TMTC2: variants seen among roughly 807,000 people sequenced by gnomAD.
The protein encoded by TMTC2 is protein O-mannosyl-transferase TMTC2.
In TMTC2, 43 loss-of-function variants were observed where a neutral mutation model predicts 82.4. The observed-to-expected ratio is 0.52, with a 90% CI of 0.41 to 0.67. The LOEUF (loss-of-function observed/expected upper bound fraction) is 0.67, where lower values mean the gene tolerates loss of function less well. Among genes scored for constraint, TMTC2 ranks in the 30% least tolerant of loss-of-function variants. The pLI, the probability that TMTC2 is intolerant of heterozygous loss-of-function variation, is 0.00. For missense variants in TMTC2, 919 were observed against 1,012.4 expected (o/e 0.91, Z 1.25); for synonymous variants, 408 against 381.9 (o/e 1.07, Z -0.80).
intron 2 of TMTC2, among the ~76,000 whole-genome samples, chr12:82,882,398 C>T (rs949915799): frequency 2.0e-5 from 3 of 152,246 alleles, no homozygotes; most frequent in East Asian, 1.9e-4. Flanking sequence ...CTAAATAGTA[C>T]GTACCAAGAA....
At chr12:82,832,258 C>G (rs1331006293) in intron 1 of TMTC2, among the ~76,000 whole-genome samples, 1 of 151,588 alleles carries the variant, frequency 6.6e-6, no homozygotes, top group African/African-American at 2.4e-5. Flanking sequence ...TATAACTCTG[C>G]AAGCTAGTGG....
chr12:82,824,950 G>A (rs57850546), intron 1 of TMTC2, among the ~76,000 whole-genome samples: 3,089 of 152,156 alleles, frequency 0.02, 113 homozygotes, highest in African/African-American at 0.071. Flanking sequence ...CTAGCTGGGC[G>A]TGGTGGCGCG....
intron 3 of TMTC2, among the ~76,000 whole-genome samples, chr12:82,926,658 A>G (rs190754429): frequency 2.6e-5 from 4 of 152,346 alleles, no homozygotes; most frequent in African/African-American, 7.2e-5. Context: ...GAGAGGTGTT[A>G]GTGCCTGGCT....
chr12:83,095,045 C>T (rs1051105989), intron 11 of TMTC2, among the ~76,000 whole-genome samples: 1 of 152,082 alleles, frequency 6.6e-6, no homozygotes, highest in African/African-American at 2.4e-5. Context: ...TCTACAAACA[C>T]TTAAAAAACA....
In TMTC2 at chr12:82,930,184, G is replaced by C. The variant is rs550124069; in HGVS notation, c.1484-247G>C. Among the ~76,000 whole-genome samples the C allele has an allele frequency of 3.9e-5, 6 of 152,070 alleles. No individual in the cohort carries two copies. The East Asian group carries it at 1.2e-3, about 29-fold the overall frequency. ...GTGATCTTAAGATAACATTGTTCTT[G>C]GCCTTATGATGAACTGTATATGTAT... is the stretch of plus-strand genomic sequence containing the variant. On this transcript the variant is annotated intron_variant, in intron 3 of 11. Transcript: ENST00000321196.
chr12:83,056,764 AG>A (rs1882559712), intron 10 of TMTC2, among the ~76,000 whole-genome samples: 2 of 151,908 alleles, frequency 1.3e-5, no homozygotes, highest in South Asian at 4.1e-4. Flanking sequence ...TACAATCACA[AG>A]GCTCTTATTT....
At chr12:83,093,419 T>C (rs1883910782) in intron 11 of TMTC2, among the ~76,000 whole-genome samples, 1 of 152,184 alleles carries the variant, frequency 6.6e-6, no homozygotes, top group African/African-American at 2.4e-5. Context: ...GCCCAAAAGC[T>C]GAAACTGCTG....
At chr12:82,947,777 A>G (rs964789367) in intron 4 of TMTC2, among the ~76,000 whole-genome samples, 2 of 152,186 alleles carry the variant, frequency 1.3e-5, no homozygotes, top group Non-Finnish European at 2.9e-5. Flanking sequence ...CTTATTAAAT[A>G]TAAGGGTAGA....
chr12:82,768,286 G>A (rs1024330162), intron 1 of TMTC2, among the ~76,000 whole-genome samples: 1 of 152,194 alleles, frequency 6.6e-6, no homozygotes, highest in Non-Finnish European at 1.5e-5. Context: ...TGGAGTGCCC[G>A]TGTTTTTGCT....
At chr12:83,092,852 C>T (rs1391893352) in intron 11 of TMTC2, among the ~76,000 whole-genome samples, 5 of 152,100 alleles carry the variant, frequency 3.3e-5, no homozygotes, top group African/African-American at 7.2e-5. Flanking sequence ...AATAAACCAG[C>T]GGCAAAGCTG....
intron 4 of TMTC2, among the ~76,000 whole-genome samples, chr12:82,936,656 G>A (rs1170085882): frequency 6.6e-6 from 1 of 152,020 alleles, no homozygotes; most frequent in Non-Finnish European, 1.5e-5. Flanking sequence ...CTCTAGAAAT[G>A]CCAAGAAGGC....
chr12:82,696,963 C>CAT lies in TMTC2; in HGVS notation c.83+9294_83+9295insAT, dbSNP rs1491534159. 2.9e-4 allele frequency among the ~76,000 whole-genome samples: 35 copies of CAT among 121,422 alleles called. 1 individual carries two copies. The East Asian group carries it at 8.7e-3, about 30-fold the overall frequency. 79.7% of individuals were successfully genotyped at this position (121,422 alleles called of 152,430 possible). On this transcript the variant is annotated intron_variant, in intron 1 of 11. Coordinates refer to ENST00000321196, the MANE Select transcript of TMTC2 (RefSeq NM_152588.3). Reference sequence around the variant, plus strand: ...AGCTCTCTTTCTACATACATACATACGTATATATATATATATATATGTTTC... The same window carrying CAT: ...AGCTCTCTTTCTACATACATACATACATGTATATATATATATATATATGTTTC...
At chr12:82,760,279 A>C (rs1005210819) in intron 1 of TMTC2, 52 of 152,144 alleles carry the variant, frequency 3.4e-4, no homozygotes, top group African/African-American at 1.3e-3. Flanking sequence ...GTTAAGCATC[A>C]TCCTGGAAAT....
intron 1 of TMTC2, among the ~76,000 whole-genome samples, chr12:82,771,623 C>A (rs1435956900): frequency 6.6e-6 from 1 of 152,072 alleles, no homozygotes; most frequent in Non-Finnish European, 1.5e-5. Flanking sequence ...AGATGCAATG[C>A]TTTTAAATTT....
chr12:82,711,421 G>A (rs1284850501), intron 1 of TMTC2, among the ~76,000 whole-genome samples: 1 of 151,744 alleles, frequency 6.6e-6, no homozygotes, highest in Non-Finnish European at 1.5e-5. Context: ...TTAATAAAAT[G>A]GGGGAAATAT....
At chr12:82,906,168 C>T (rs11115477) in intron 3 of TMTC2, among the ~76,000 whole-genome samples, 2 of 152,024 alleles carry the variant, frequency 1.3e-5, no homozygotes, top group Admixed American at 1.3e-4. Flanking sequence ...TAAAAATTGA[C>T]TATTTCCTTG....
At chr12:83,001,342 G>A (rs1490085965) in intron 8 of TMTC2, among the ~76,000 whole-genome samples, 2 of 152,014 alleles carry the variant, frequency 1.3e-5, no homozygotes, top group Non-Finnish European at 2.9e-5. Flanking sequence ...ACTTAGAAAT[G>A]TCTTCCACCT....
At chr12:82,691,030 C>G (rs1442691439) in intron 1 of TMTC2, among the ~76,000 whole-genome samples, 1 of 152,058 alleles carries the variant, frequency 6.6e-6, no homozygotes, top group African/African-American at 2.4e-5. Flanking sequence ...GTAAACAAAC[C>G]ATAACTGTTC....
chr12:82,758,678 A>T (rs1876463283), intron 1 of TMTC2: 1 of 152,172 alleles, frequency 6.6e-6, no homozygotes, highest in Admixed American at 6.5e-5. Flanking sequence ...CTCAAATAAA[A>T]CTGTGGAATC....
Sources: gnomAD v4.1 joint callset for allele counts (sites outside exome capture counted in the v4.1 genomes callset) on GRCh38, gnomAD v4.1.1 for gene constraint, MANE v1.5 for transcripts, NCBI Gene and HGNC (gene_info 2026-07-23, HGNC 2026-07-21) for gene names.